Variants in ISM1 observed in about 807,000 individuals in gnomAD.
The protein encoded by ISM1 is isthmin-1.
In ISM1, 25 loss-of-function variants were observed where a neutral mutation model predicts 46.3. The ratio of observed to expected loss-of-function variants is 0.54; its 90% CI spans 0.39 to 0.75. The LOEUF (loss-of-function observed/expected upper bound fraction) is 0.75. ISM1 is among the 30% of genes least tolerant of loss of function. ISM1 has a pLI of 0.00. For synonymous variants in ISM1, 255 were observed against 256.7 expected (o/e 0.99, Z 0.06); for missense variants, 536 against 625.4 (o/e 0.86, Z 1.52).
rs1329531657 is a variant in ISM1 at position 13,299,112 on chromosome 20, G to A, written c.1048G>A (p.Asp350Asn). The stretch of plus-strand genomic sequence containing the variant: ...CAAGCGCAAGGACTTCCGCTGGAAG[G>A]ACGCCAGCGGGCCCAAGGAGAAGCT... The part of the protein sequence containing the change: ...RIKRKDFRWK[D>N]ASGPKEKLEI... Residue 350 changes from aspartate (D) to asparagine (N), a missense_variant, in exon 6 of 6, where the codon GAC becomes AAC. This residue lies in a region of ISM1 where 169 missense variants were observed against 249.3 expected (regional missense o/e 0.68). Transcript: ENST00000262487. This position sits in a 1 kb window ranked among gnomAD's most constrained non-coding sequence, Gnocchi z 5.8. 1 of 1,613,482 alleles carries A rather than the reference G, an allele frequency of 6.2e-7. No individual in the cohort carries two copies. Among genetic ancestry groups the A allele is most frequent in the East Asian group, 2.2e-5 (1 of 44,880 alleles).
the ISM1 span, among the ~76,000 whole-genome samples, chr20:13,317,053 A>G: frequency 6.6e-6 from 1 of 151,958 alleles, no homozygotes; most frequent in Non-Finnish European, 1.5e-5. Flanking sequence ...CAAAACAATC[A>G]ACAAAAAATC....
At chr20:13,294,137 C>A (rs1188855902) in intron 5 of ISM1, among the ~76,000 whole-genome samples, 2 of 152,134 alleles carry the variant, frequency 1.3e-5, no homozygotes, top group Non-Finnish European at 2.9e-5. Context: ...GCCAGATGTT[C>A]TGGGTTTCTA....
Position 13,270,563 on chromosome 20 carries a change from A to G in ISM1, c.198A>G (p.Glu66=), listed in dbSNP as rs767966789. ...AAACCAGCTTTTCTCTCTCCAAAGAAGCACCAAGGGAGCATCTGGACCACC... is the reference window on the plus strand; with the variant it reads ...AAACCAGCTTTTCTCTCTCCAAAGAGGCACCAAGGGAGCATCTGGACCACC... ...TSETSFSLSK[E]APREHLDHQA... Residue 66 remains glutamate, a synonymous_variant, in exon 2 of 6, where the codon GAA becomes GAG. Coordinates refer to ENST00000262487, the MANE Select transcript of ISM1 (RefSeq NM_080826.2). 22 of 1,613,860 alleles carry G rather than the reference A, an allele frequency of 1.4e-5. No individual in the cohort carries two copies. The highest frequency in any genetic ancestry group is 1.8e-5 in the Non-Finnish European group (21 of 1,179,858).
chr20:13,325,799 A>T, the ISM1 span, among the ~76,000 whole-genome samples: 1 of 152,264 alleles, frequency 6.6e-6, no homozygotes, highest in South Asian at 2.1e-4. Context: ...TTAACAGAAA[A>T]TTTTTCAAGT....
chr20:13,266,102 A>T (rs934060499), intron 1 of ISM1, among the ~76,000 whole-genome samples: 3 of 152,154 alleles, frequency 2.0e-5, no homozygotes, highest in African/African-American at 7.2e-5. Context: ...CTTACTCCTC[A>T]TGGGGCAGAA....
At chr20:13,326,564 A>C in the ISM1 span, among the ~76,000 whole-genome samples, 1 of 152,064 alleles carries the variant, frequency 6.6e-6, no homozygotes, top group African/African-American at 2.4e-5. Flanking sequence ...TAATAGGTAT[A>C]TAGTGGTATC....
In ISM1 at chr20:13,277,940, G is replaced by A. The variant is rs373448352; in HGVS notation, c.379-1694G>A. 9.9e-5 allele frequency among the ~76,000 whole-genome samples: 15 copies of A among 152,260 alleles called. No individual in the cohort carries two copies. In the South Asian group the frequency reaches 1.0e-3, roughly 11 times the overall value. ...CAGAATAATTCAAACCTCCCCATTC[G>A]TAACACAAAAGGAAGGGGTTATTTG... is the stretch of plus-strand genomic sequence containing the variant. On this transcript the variant is annotated intron_variant, in intron 2 of 5. Coordinates refer to ENST00000262487, the MANE Select transcript of ISM1 (RefSeq NM_080826.2).
At chr20:13,316,441 A>G in the ISM1 span, among the ~76,000 whole-genome samples, 1 of 151,972 alleles carries the variant, frequency 6.6e-6, no homozygotes, top group Non-Finnish European at 1.5e-5. Flanking sequence ...AACTCATCCT[A>G]TGAGAGCAGC....
chr20:13,265,676 T>C (rs243895), intron 1 of ISM1, among the ~76,000 whole-genome samples: 13,009 of 152,274 alleles, frequency 0.085, 661 homozygotes, highest in East Asian at 0.18. Context: ...ATTGTGATAG[T>C]ATTTGGTTGG....
At chr20:13,284,121 T>C (rs1600551374) in intron 3 of ISM1, among the ~76,000 whole-genome samples, 1 of 152,354 alleles carries the variant, frequency 6.6e-6, no homozygotes, top group Non-Finnish European at 1.5e-5. Context: ...AGGGTTGTTG[T>C]AGGAGTTAAA....
intron 1 of ISM1, among the ~76,000 whole-genome samples, chr20:13,250,963 A>G (rs1041033705): frequency 2.6e-5 from 4 of 152,192 alleles, no homozygotes; most frequent in African/African-American, 4.8e-5. Context: ...GAATTATTTT[A>G]TCATCTCTTC....
chr20:13,301,866 G>T (rs1475799118), downstream of ISM1, among the ~76,000 whole-genome samples: 1 of 152,164 alleles, frequency 6.6e-6, no homozygotes, highest in African/African-American at 2.4e-5. Flanking sequence ...TGATGTGTTT[G>T]TTAAGTGTAA....
the ISM1 span, among the ~76,000 whole-genome samples, chr20:13,306,840 CAAGA>C: frequency 6.6e-6 from 1 of 152,094 alleles, no homozygotes; most frequent in African/African-American, 2.4e-5. Flanking sequence ...GGACTCTGGT[CAAGA>C]AAGAACGAGG....
chr20:13,225,002 C>T (rs996342666), intron 1 of ISM1, among the ~76,000 whole-genome samples: 39 of 147,902 alleles, frequency 2.6e-4, no homozygotes, highest in East Asian at 9.7e-4. Flanking sequence ...CCTGCCACCA[C>T]GCCCGGCTAA....
At position 13,259,777 on chromosome 20, in the gene ISM1, A is replaced by T. The variant is rs139548710; in HGVS notation, c.139-10727A>T. The stretch of plus-strand genomic sequence containing the variant: ...TGGGCCCTAATCAATAGGAAATAAT[A>T]AGCCAAGTGAAGATACATGCTCCTA... On this transcript the variant is annotated intron_variant, in intron 1 of 5. Transcript: ENST00000262487. Among the ~76,000 whole-genome samples the T allele has an allele frequency of 3.2e-3, 484 of 152,344 alleles. 4 individuals carry two copies. Among genetic ancestry groups the T allele is most frequent in the African/African-American group, 0.011 (458 of 41,580 alleles).
At chr20:13,264,639 A>T (rs535870826) in intron 1 of ISM1, among the ~76,000 whole-genome samples, 1 of 152,282 alleles carries the variant, frequency 6.6e-6, no homozygotes, top group Admixed American at 6.5e-5. Context: ...AGATGTGGCT[A>T]TGGCCATCCA....
the ISM1 span, among the ~76,000 whole-genome samples, chr20:13,321,383 A>G: frequency 1.3e-5 from 2 of 152,060 alleles, no homozygotes; most frequent in Non-Finnish European, 2.9e-5. Context: ...TCTTACAGCT[A>G]GTGTGGTAGA....
chr20:13,293,195 G>C lies in ISM1; in HGVS notation c.877+732G>C, dbSNP rs543868339. ...AGCACTCCAGCCTGGGTGACAGAGC[G>C]AGACTCCGTCTCAAAAAAAAAAAAA... On this transcript the variant is annotated intron_variant, in intron 5 of 5. Coordinates refer to ENST00000262487, the MANE Select transcript of ISM1 (RefSeq NM_080826.2). 2.1e-3 allele frequency among the ~76,000 whole-genome samples: 304 copies of C among 141,506 alleles called. 1 individual carries two copies. Among genetic ancestry groups the C allele is most frequent in the Middle Eastern group, 8.3e-3 (2 of 242 alleles). 92.8% of individuals were successfully genotyped at this position (141,506 alleles called of 152,430 possible).
the ISM1 span, among the ~76,000 whole-genome samples, chr20:13,324,358 G>A: frequency 6.6e-6 from 1 of 152,202 alleles, no homozygotes; most frequent in Non-Finnish European, 1.5e-5. Flanking sequence ...CTAAATGTGA[G>A]GTGTGTTTTT....
Sources: gnomAD v4.1 joint callset for allele counts (sites outside exome capture counted in the v4.1 genomes callset) on GRCh38, gnomAD v4.1.1 for gene constraint, gnomAD v4.1.1 regional missense constraint, Gnocchi (gnomAD v3.1) non-coding constraint, MANE v1.5 for transcripts, NCBI Gene and HGNC (gene_info 2026-07-23, HGNC 2026-07-21) for gene names.